The following SQOR variants were observed in gnomAD, a reference collection of about 807,000 sequenced individuals.
The protein encoded by SQOR is sulfide quinone oxidoreductase, also known as sulfide:quinone oxidoreductase, mitochondrial.
In SQOR, 39 loss-of-function variants were observed where a neutral mutation model predicts 48.6. The observed-to-expected ratio is 0.80, with a 90% confidence interval of 0.62 to 1.05. The LOEUF is 1.05. Among genes scored for constraint, SQOR ranks in the 50% least tolerant of loss-of-function variants. SQOR has a pLI of 0.00. For missense variants in SQOR, 561 were observed against 559.9 expected (o/e 1.00, Z -0.02); for synonymous variants, 220 against 206.2 (o/e 1.07, Z -0.57).
At chr15:45,688,472 C>A in intron 8 of SQOR, 68 bp downstream of exon 8, 1 of 1,233,202 alleles carries the variant, frequency 8.1e-7, no homozygotes, top group Non-Finnish European at 1.1e-6. Context: ...GTAGTGTTTT[C>A]CCACAATTTT....
At chr15:45,690,941 G>T in intron 9 of SQOR, 32 bp from the exon 10 acceptor site, 1 of 1,608,068 alleles carries the variant, frequency 6.2e-7, no homozygotes, top group South Asian at 1.1e-5. Flanking sequence ...CTCTCTTGCT[G>T]CAGGTACATT....
At chr15:45,680,218 C>T (rs1890103903) in intron 6 of SQOR, among the ~76,000 whole-genome samples, 1 of 151,968 alleles carries the variant, frequency 6.6e-6, no homozygotes, top group Non-Finnish European at 1.5e-5. Flanking sequence ...CCTCAGCCTC[C>T]TGAGTAGCTG....
intron 7 of SQOR, among the ~76,000 whole-genome samples, chr15:45,687,503 C>A (rs778495473): frequency 2.0e-5 from 3 of 152,038 alleles, no homozygotes; most frequent in Non-Finnish European, 2.9e-5. Flanking sequence ...GAAAATACTG[C>A]GGGTTTGTGT....
chr15:45,660,551 C>A (rs968601396), intron 2 of SQOR, among the ~76,000 whole-genome samples: 1 of 152,172 alleles, frequency 6.6e-6, no homozygotes, highest in Non-Finnish European at 1.5e-5. Flanking sequence ...TTTGTCCTGC[C>A]CCGTGAGGAA....
rs557980155 is a variant in SQOR at position 45,647,478 on chromosome 15, C to T, written c.-17-11429C>T. Among the ~76,000 whole-genome samples, 112 of 151,760 alleles carry T rather than the reference C, an allele frequency of 7.4e-4. 2 individuals carry two copies. The highest frequency in any genetic ancestry group is 1.2e-3 in the Admixed American group (19 of 15,258). Reference sequence around the variant, plus strand: ...AGTAGCTGGGATTATAGAAGCACACCACCACGCTTGGCTAAATTTTGTACT... The same window carrying T: ...AGTAGCTGGGATTATAGAAGCACACTACCACGCTTGGCTAAATTTTGTACT... On this transcript the variant is annotated intron_variant, in intron 1 of 9. Coordinates refer to ENST00000260324, the MANE Select transcript of SQOR (RefSeq NM_021199.4).
rs757924554 is a variant in SQOR at position 45,689,089 on chromosome 15, T to A, written c.1167T>A (p.Ile389=). The A allele has an allele frequency of 1.9e-6, 3 of 1,614,180 alleles. No individual in the cohort carries two copies. The highest frequency in any genetic ancestry group is 2.5e-6 in the Non-Finnish European group (3 of 1,180,038). The stretch of plus-strand genomic sequence containing the variant: ...TGGTGACCGGCTACAACCGTGTGAT[T>A]CTTGCTGAGTTTGACTACAAAGCAG... ...CPLVTGYNRV[I]LAEFDYKAEP... Residue 389 remains isoleucine, a synonymous_variant, in exon 9 of 10, where the codon ATT becomes ATA. Transcript: ENST00000260324.
intron 1 of SQOR, among the ~76,000 whole-genome samples, chr15:45,646,395 C>T (rs538131774): frequency 1.8e-4 from 27 of 152,322 alleles, no homozygotes; most frequent in African/African-American, 6.3e-4. Flanking sequence ...GCTGCTGATG[C>T]ATTGTGTGAA....
chr15:45,651,107 T>G (rs1889477811), intron 1 of SQOR, among the ~76,000 whole-genome samples: 1 of 152,120 alleles, frequency 6.6e-6, no homozygotes, highest in Admixed American at 6.5e-5. Flanking sequence ...AGCCCACCGC[T>G]GGGGGGCTGG....
At chr15:45,650,168 C>T (rs1889447526) in intron 1 of SQOR, among the ~76,000 whole-genome samples, 1 of 152,122 alleles carries the variant, frequency 6.6e-6, no homozygotes, top group South Asian at 2.1e-4. Context: ...GCAATGTGGT[C>T]TGGCTCTGTC....
At chr15:45,641,927 C>T (rs976709175) in intron 1 of SQOR, among the ~76,000 whole-genome samples, 1 of 152,162 alleles carries the variant, frequency 6.6e-6, no homozygotes, top group Non-Finnish European at 1.5e-5. Context: ...CACATTCACA[C>T]CCCTCATCTC....
intron 9 of SQOR, among the ~76,000 whole-genome samples, chr15:45,689,987 G>T (rs1452519586): frequency 2.0e-5 from 3 of 151,892 alleles, no homozygotes; most frequent in African/African-American, 4.8e-5. Context: ...TACCTCACAA[G>T]ATGGAGGTTA....
rs536595605 is a variant in SQOR at position 45,686,729 on chromosome 15, C to G, written c.1049-1608C>G. On this transcript the variant is annotated intron_variant, in intron 7 of 9. Transcript: ENST00000260324. The stretch of plus-strand genomic sequence containing the variant: ...ATTGCAAAATAACCACTTTAATAAG[C>G]ATTTTATAATACAAAGGTAACCCAT... Among the ~76,000 whole-genome samples the G allele has an allele frequency of 3.9e-5, 6 of 152,336 alleles. No homozygotes were observed. In the South Asian group the frequency reaches 1.2e-3, roughly 32 times the overall value.
Position 45,635,632 on chromosome 15 carries a change from G to A in SQOR, c.-18+524G>A, listed in dbSNP as rs1433854755. Among the ~76,000 whole-genome samples the A allele has an allele frequency of 2.6e-5, 4 of 152,160 alleles. No homozygotes were observed. In the South Asian group the frequency reaches 6.2e-4, roughly 24 times the overall value. On this transcript the variant is annotated intron_variant, in intron 1 of 9. Coordinates refer to ENST00000260324, the MANE Select transcript of SQOR (RefSeq NM_021199.4). ...ACAGGAATTGGTGGAAAGGGAGAAG[G>A]GGTCTTCTGGTGGAATCTGGGCTCA...
intron 6 of SQOR, among the ~76,000 whole-genome samples, chr15:45,677,631 AGTAGAATGTT>A (rs1890059831): frequency 6.6e-6 from 1 of 152,124 alleles, no homozygotes; most frequent in Admixed American, 6.5e-5. Context: ...CTTTTCTTTC[AGTAGAATGTT>A]CCTCATTTTG....
At chr15:45,683,759 C>G (rs1426106427) in intron 7 of SQOR, among the ~76,000 whole-genome samples, 1 of 151,858 alleles carries the variant, frequency 6.6e-6, no homozygotes, top group Non-Finnish European at 1.5e-5. Flanking sequence ...AATTATAATA[C>G]TCATATACCC....
At chr15:45,638,746 A>G (rs560320220) in intron 1 of SQOR, among the ~76,000 whole-genome samples, 24 of 152,204 alleles carry the variant, frequency 1.6e-4, no homozygotes, top group African/African-American at 5.1e-4. Flanking sequence ...AAGAAAGAAA[A>G]AAAAAAAAGG....
At chr15:45,678,885 T>C (rs55696838) in intron 6 of SQOR, among the ~76,000 whole-genome samples, 6,183 of 152,284 alleles carry the variant, frequency 0.041, 203 homozygotes, top group Middle Eastern at 0.11. Flanking sequence ...AGAGCTCATA[T>C]GAGTGAACTC....
At chr15:45,658,811 G>A in intron 1 of SQOR, 96 bp from the exon 2 acceptor site, 1 of 979,516 alleles carries the variant, frequency 1.0e-6, no homozygotes, top group Non-Finnish European at 1.4e-6. Context: ...GCTGGAGCGG[G>A]CCAGATGCCG....
At position 45,689,068 on chromosome 15, in the gene SQOR, G is replaced by C. The variant is rs774461337; in HGVS notation, c.1146G>C (p.Val382=). Residue 382 remains valine (V), a synonymous_variant, in exon 9 of 10, where the codon GTG becomes GTC. Coordinates refer to ENST00000260324, the MANE Select transcript of SQOR (RefSeq NM_021199.4). ...KYDGYTSCPL[V]TGYNRVILAE... is the part of the protein sequence containing the mutation. ...ATGGCTACACATCATGTCCACTGGT[G>C]ACCGGCTACAACCGTGTGATTCTTG... 7.4e-6 allele frequency: 12 copies of C among 1,614,008 alleles called. No individual in the cohort carries two copies. The African/African-American group carries it at 1.2e-4, about 16-fold the overall frequency.
Sources: gnomAD v4.1 joint callset for allele counts (sites outside exome capture counted in the v4.1 genomes callset) on GRCh38, gnomAD v4.1.1 for gene constraint, MANE v1.5 for transcripts, NCBI Gene and HGNC (gene_info 2026-07-23, HGNC 2026-07-21) for gene names.